IKZF1: variants seen among roughly 807,000 people sequenced by gnomAD.
The protein encoded by IKZF1 is IKAROS family zinc finger 1.
IKZF1 carries 10 observed loss-of-function variants against 51.7 expected under a neutral mutation model. The ratio of observed to expected loss-of-function variants is 0.19; its 90% CI spans 0.12 to 0.33. IKZF1 has a LOEUF of 0.33. Ranked by LOEUF, IKZF1 falls within the 10% of genes least tolerant of loss-of-function variation. IKZF1 has a pLI of 1.00. For synonymous variants in IKZF1, 280 were observed against 282.3 expected (o/e 0.99, Z 0.08); for missense variants, 484 against 707.5 (o/e 0.68, Z 3.58).
Position 50,312,191 on chromosome 7 carries a change from A to C in IKZF1, c.-14-6857A>C, listed in dbSNP as rs1020581679. ...TGTGAAACGCCATTTATATTTGAGG[A>C]AGCTACCTAGGAAGTGGCTCATGTC... On this transcript the variant is annotated intron_variant, in intron 1 of 7. Coordinates refer to ENST00000331340, the MANE Select transcript of IKZF1 (RefSeq NM_006060.6). 2.6e-5 allele frequency among the ~76,000 whole-genome samples: 4 copies of C among 152,296 alleles called. No individual in the cohort carries two copies. In the South Asian group the frequency reaches 8.3e-4, roughly 32 times the overall value.
At chr7:50,340,964 A>AT (rs1798931875) in intron 3 of IKZF1, among the ~76,000 whole-genome samples, 1 of 152,306 alleles carries the variant, frequency 6.6e-6, no homozygotes, top group Admixed American at 6.5e-5. Context: ...CTCAACACTG[A>AT]TTTTTATATT....
At chr7:50,358,333 T>C (rs1175440977) in intron 3 of IKZF1, among the ~76,000 whole-genome samples, 2 of 152,230 alleles carry the variant, frequency 1.3e-5, no homozygotes, top group Non-Finnish European at 2.9e-5. Flanking sequence ...AGTTTCTTCC[T>C]AAGAGATGTG....
At chr7:50,397,031 GA>G (rs1775694657) in intron 7 of IKZF1, among the ~76,000 whole-genome samples, 1 of 152,190 alleles carries the variant, frequency 6.6e-6, no homozygotes, top group South Asian at 2.1e-4. Flanking sequence ...TTTCTGATCA[GA>G]ACAGGGAAAA....
At chr7:50,390,043 A>G (rs1486930847) in intron 6 of IKZF1, among the ~76,000 whole-genome samples, 1 of 152,232 alleles carries the variant, frequency 6.6e-6, no homozygotes, top group African/African-American at 2.4e-5. Context: ...CACCTCTTAT[A>G]ATTTCTCAAT....
intron 2 of IKZF1, among the ~76,000 whole-genome samples, chr7:50,321,025 A>G (rs1240090800): frequency 1.3e-5 from 2 of 152,232 alleles, no homozygotes; most frequent in Non-Finnish European, 2.9e-5. Flanking sequence ...GATGGTATGC[A>G]AAGTATGATC....
At chr7:50,325,278 C>CAAA (rs71018469) in intron 2 of IKZF1, among the ~76,000 whole-genome samples, 2,560 of 93,616 alleles carry the variant, frequency 0.027, 52 homozygotes, top group Admixed American at 0.038. Flanking sequence ...CCGCTGCCAC[C>CAAA]AAAAAAAAAA....
chr7:50,314,912 T>C (rs994729207), intron 1 of IKZF1, among the ~76,000 whole-genome samples: 4 of 152,182 alleles, frequency 2.6e-5, no homozygotes, highest in African/African-American at 9.6e-5. Flanking sequence ...CAGGTCCCAG[T>C]CCCGCCTCGG....
intron 3 of IKZF1, among the ~76,000 whole-genome samples, chr7:50,333,827 G>A (rs1291364059): frequency 5.9e-5 from 9 of 152,244 alleles, no homozygotes; most frequent in African/African-American, 2.2e-4. Flanking sequence ...AAAATTCTAT[G>A]TTATTCATCT....
chr7:50,344,249 A>T (rs1466048997), intron 3 of IKZF1, among the ~76,000 whole-genome samples: 2 of 152,192 alleles, frequency 1.3e-5, no homozygotes, highest in Non-Finnish European at 2.9e-5. Flanking sequence ...AAAACTCATT[A>T]ATCTGCATGA....
intron 1 of IKZF1, among the ~76,000 whole-genome samples, chr7:50,313,842 C>G (rs1465381071): frequency 6.6e-6 from 1 of 152,194 alleles, no homozygotes; most frequent in African/African-American, 2.4e-5. Context: ...AACAAGTGGA[C>G]AAGACAGACA....
intron 3 of IKZF1, among the ~76,000 whole-genome samples, chr7:50,358,024 G>A (rs1164133572): frequency 6.6e-6 from 1 of 152,186 alleles, no homozygotes; most frequent in Non-Finnish European, 1.5e-5. Context: ...CCTTCACCTG[G>A]TTGCAAGCCC....
chr7:50,352,920 A>G (rs1425791216), intron 3 of IKZF1, among the ~76,000 whole-genome samples: 2 of 152,268 alleles, frequency 1.3e-5, no homozygotes, highest in Non-Finnish European at 2.9e-5. Flanking sequence ...TCTATGAATT[A>G]CACATATTTG....
chr7:50,402,994 C>G lies in IKZF1; in HGVS notation c.*2367C>G, dbSNP rs1220089151. ...ACTCTGTTCTTTTCCATCCATCCCC[C>G]TGAGTCAGTTGGTTGAAGGGAGTTA... On this transcript the variant is annotated 3_prime_UTR_variant, in exon 8 of 8. Transcript: ENST00000331340. 4.8e-5 allele frequency: 11 copies of G among 226,914 alleles called. No individual in the cohort carries two copies. The highest frequency in any genetic ancestry group is 8.8e-6 in the Non-Finnish European group (1 of 114,096). 14.1% of individuals were successfully genotyped at this position (226,914 alleles called of 1,614,324 possible).
intron 1 of IKZF1, among the ~76,000 whole-genome samples, chr7:50,318,160 C>T (rs1208528720): frequency 4.0e-4 from 1 of 2,528 alleles, no homozygotes; most frequent in Non-Finnish European, 0.012. Context: ...GACCCAAGTG[C>T]GAAAACACAG....
In IKZF1 at chr7:50,404,694, G is replaced by A. The variant is rs1004755059; in HGVS notation, c.*4067G>A. ...CCCAGTCTTGAGGGTGGGTGGAGAT[G>A]GAGGGCAACAAGAGATACATTTCCA... On this transcript the variant is annotated 3_prime_UTR_variant, in exon 8 of 8. Coordinates refer to ENST00000331340, the MANE Select transcript of IKZF1 (RefSeq NM_006060.6). 1.0e-4 allele frequency: 24 copies of A among 231,522 alleles called. No homozygotes were observed. Among genetic ancestry groups the A allele is most frequent in the African/African-American group, 4.6e-4 (21 of 45,364 alleles). 14.3% of individuals were successfully genotyped at this position (231,522 alleles called of 1,614,324 possible).
At position 50,400,261 on chromosome 7, in the gene IKZF1, G is replaced by C. The variant is rs766296323; in HGVS notation, c.1194G>C (p.Thr398=). 6.2e-7 allele frequency: 1 copy of C among 1,611,632 alleles called. No homozygotes were observed. Among genetic ancestry groups the C allele is most frequent in the Non-Finnish European group, 8.5e-7 (1 of 1,179,312 alleles). ...CGAGCAACAGCTGCCAAGACTCCAC[G>C]GACACCGAGAGCAACAACGAGGAGC... The part of the protein sequence containing the change: ...ASPSNSCQDS[T]DTESNNEEQR... The change falls in exon 8 of 8, where the codon ACG becomes ACC. Residue 398 remains threonine, a synonymous_variant. Transcript: ENST00000331340. The surrounding 1 kb of genome is among the most constrained non-coding windows in gnomAD (Gnocchi z 5.4).
rs144259188 is a variant in IKZF1, at chr7:50,353,514, G to T, written c.161-23019G>T. On this transcript the variant is annotated intron_variant, in intron 3 of 7. Coordinates refer to ENST00000331340, the MANE Select transcript of IKZF1 (RefSeq NM_006060.6). ...CTCTATCCTCACCTCCTGCCATGCT[G>T]TCACCCTTATAAGAGAGAAGGGCTA... Among the ~76,000 whole-genome samples the T allele has an allele frequency of 4.7e-4, 72 of 152,302 alleles. 2 individuals are homozygous for T. The East Asian group carries it at 0.013, about 28-fold the overall frequency.
Position 50,376,499 on chromosome 7 carries a change from G to T in IKZF1, c.161-34G>T, listed in dbSNP as rs2153468163. Reference sequence around the variant, plus strand: ...TTTTGTTGAGTTTTTTTTTTGCAATGACACTGAGTGGCCTCCTGTATTGTT... The same window carrying T: ...TTTTGTTGAGTTTTTTTTTTGCAATTACACTGAGTGGCCTCCTGTATTGTT... On this transcript the variant is annotated intron_variant, in intron 3 of 7. Transcript: ENST00000331340. The surrounding 1 kb of genome is among the most constrained non-coding windows in gnomAD (Gnocchi z 4.5). The T allele has an allele frequency of 1.9e-6, 3 of 1,593,742 alleles. No individual in the cohort carries two copies. Among genetic ancestry groups the T allele is most frequent in the Admixed American group, 1.8e-5 (1 of 56,166 alleles).
intron 3 of IKZF1, chr7:50,368,142 C>T (rs1477369056): frequency 4.3e-6 from 3 of 703,394 alleles, no homozygotes; most frequent in Non-Finnish European, 7.8e-6. Flanking sequence ...CGTGCATGTT[C>T]CTTCATCAAC....
Sources: gnomAD v4.1 joint callset for allele counts (sites outside exome capture counted in the v4.1 genomes callset) on GRCh38, gnomAD v4.1.1 for gene constraint, Gnocchi (gnomAD v3.1) non-coding constraint, MANE v1.5 for transcripts, NCBI Gene and HGNC (gene_info 2026-07-23, HGNC 2026-07-21) for gene names.